The following WDPCP variants were observed in gnomAD, a reference collection of about 807,000 sequenced individuals.
WDPCP encodes WD repeat containing planar cell polarity effector.
Under a neutral mutation model 93.1 loss-of-function variants are expected in WDPCP, and 71 were observed. The observed-to-expected ratio is 0.76, with a 90% CI of 0.63 to 0.93. The LOEUF (loss-of-function observed/expected upper bound fraction) is 0.93, where lower values mean the gene tolerates loss of function less well. WDPCP is among the 40% of genes least tolerant of loss of function. WDPCP has a pLI of 0.00. For synonymous variants in WDPCP, 315 were observed against 315.0 expected, an observed-to-expected ratio of 1.00 and a Z score of 0.00; for missense variants, 844 against 887.4, an observed-to-expected ratio of 0.95 and a Z score of 0.62.
intron 9 of WDPCP, among the ~76,000 whole-genome samples, chr2:63,422,931 T>C (rs1003471168): frequency 1.3e-5 from 2 of 152,198 alleles, no homozygotes; most frequent in African/African-American, 4.8e-5. Context: ...AAGATATACA[T>C]TAAAATGTCT....
chr2:63,714,716 C>G (rs1035589862), intron 2 of WDPCP, among the ~76,000 whole-genome samples: 1 of 152,138 alleles, frequency 6.6e-6, no homozygotes, highest in Non-Finnish European at 1.5e-5. Flanking sequence ...GTACTCCCAG[C>G]TACTTGGGAG....
At chr2:63,329,088 G>A (rs1687785937) in intron 12 of WDPCP, among the ~76,000 whole-genome samples, 1 of 152,176 alleles carries the variant, frequency 6.6e-6, no homozygotes, top group Non-Finnish European at 1.5e-5. Flanking sequence ...TTTTAAGTAT[G>A]TAGTACAGTA....
intron 2 of WDPCP, among the ~76,000 whole-genome samples, chr2:63,750,713 T>C (rs1669866302): frequency 6.6e-6 from 1 of 152,144 alleles, no homozygotes; most frequent in Admixed American, 6.5e-5. Context: ...TTGAAAAATG[T>C]TATTTCTGCA....
At chr2:63,585,840 T>A (rs1044380955) in intron 1 of WDPCP, among the ~76,000 whole-genome samples, 2 of 148,254 alleles carry the variant, frequency 1.3e-5, no homozygotes, top group African/African-American at 2.5e-5. Flanking sequence ...ATTTTCTTTT[T>A]TTTTTTTTTT....
At chr2:63,585,835 CTTTTT>C (rs11309831) in intron 1 of WDPCP, among the ~76,000 whole-genome samples, 6 of 103,098 alleles carry the variant, frequency 5.8e-5, no homozygotes, top group Non-Finnish European at 3.9e-5. Flanking sequence ...AAATAATTTT[CTTTTT>C]TTTTTTTTTT....
intron 1 of WDPCP, among the ~76,000 whole-genome samples, chr2:63,514,674 T>C (rs1702440493): frequency 6.6e-6 from 1 of 152,116 alleles, no homozygotes; most frequent in East Asian, 1.9e-4. Context: ...AAGTTATAGC[T>C]CTAGATAGAC....
At chr2:63,660,213 A>G (rs896329214) in intron 2 of WDPCP, among the ~76,000 whole-genome samples, 1 of 152,146 alleles carries the variant, frequency 6.6e-6, no homozygotes, top group Non-Finnish European at 1.5e-5. Flanking sequence ...CCAGGACTAC[A>G]AGTCCTAGAT....
chr2:63,526,550 T>C (rs1703352097), intron 1 of WDPCP, among the ~76,000 whole-genome samples: 1 of 152,224 alleles, frequency 6.6e-6, no homozygotes. Flanking sequence ...ATTCACCTTT[T>C]ACCATTTTCC....
intron 17 of WDPCP, among the ~76,000 whole-genome samples, chr2:63,123,941 T>G (rs1669719736): frequency 6.6e-6 from 1 of 151,404 alleles, no homozygotes; most frequent in Non-Finnish European, 1.5e-5. Context: ...CTTCAAAACT[T>G]TTTAATGTTC....
chr2:63,619,893 A>G (rs947761141), intron 3 of WDPCP, among the ~76,000 whole-genome samples: 1 of 152,150 alleles, frequency 6.6e-6, no homozygotes, highest in African/African-American at 2.4e-5. Context: ...AGAGTGGGAC[A>G]TTGCCTCACC....
chr2:63,583,675 G>A (rs1212708883), intron 1 of WDPCP, among the ~76,000 whole-genome samples: 3 of 90,198 alleles, frequency 3.3e-5, no homozygotes, highest in African/African-American at 8.2e-5. Flanking sequence ...GCAAGACTCC[G>A]TTTCAAAAAA....
chr2:63,388,644 A>C (rs1692947505), intron 10 of WDPCP, among the ~76,000 whole-genome samples: 1 of 152,164 alleles, frequency 6.6e-6, no homozygotes, highest in African/African-American at 2.4e-5. Context: ...GGAAGCTAAA[A>C]ACCTTGAAAA....
At chr2:63,323,462 C>A (rs1687280800) in intron 12 of WDPCP, among the ~76,000 whole-genome samples, 1 of 152,136 alleles carries the variant, frequency 6.6e-6, no homozygotes, top group South Asian at 2.1e-4. Context: ...ACTAGCAGGC[C>A]TAACAAAAGC....
At chr2:63,506,166 G>T (rs1390338120) in intron 1 of WDPCP, among the ~76,000 whole-genome samples, 2 of 152,030 alleles carry the variant, frequency 1.3e-5, no homozygotes, top group African/African-American at 4.8e-5. Context: ...GAAATTTTAT[G>T]TATCTTATAA....
chr2:63,193,633 C>T (rs915219941), intron 14 of WDPCP, among the ~76,000 whole-genome samples: 2 of 152,132 alleles, frequency 1.3e-5, no homozygotes, highest in Non-Finnish European at 2.9e-5. Context: ...AGTACAAGCA[C>T]GAACCACCAT....
chr2:63,198,249 C>G (rs1675605991), intron 14 of WDPCP, among the ~76,000 whole-genome samples: 1 of 152,144 alleles, frequency 6.6e-6, no homozygotes, highest in Non-Finnish European at 1.5e-5. Flanking sequence ...CACTAAATTT[C>G]CATACAGATT....
intron 1 of WDPCP, among the ~76,000 whole-genome samples, chr2:63,545,791 C>T (rs1336699848): frequency 6.6e-6 from 1 of 150,656 alleles, no homozygotes; most frequent in East Asian, 2.0e-4. Context: ...TGGCAAAAAA[C>T]GGTGCAATGG....
chr2:63,266,936 C>T (rs76125356), intron 13 of WDPCP, among the ~76,000 whole-genome samples: 13,027 of 152,156 alleles, frequency 0.086, 770 homozygotes, highest in African/African-American at 0.16. Context: ...ATTGCAATTC[C>T]TATCAAAATT....
At chr2:63,310,311 A>G (rs1326791895) in intron 13 of WDPCP, among the ~76,000 whole-genome samples, 1 of 152,174 alleles carries the variant, frequency 6.6e-6, no homozygotes, top group Admixed American at 6.6e-5. Context: ...GGCCTTAAAT[A>G]TAAGAAAATT....
Sources: gnomAD v4.1 joint callset for allele counts (sites outside exome capture counted in the v4.1 genomes callset) on GRCh38, gnomAD v4.1.1 for gene constraint, MANE v1.5 for transcripts, NCBI Gene and HGNC (gene_info 2026-07-23, HGNC 2026-07-21) for gene names.